PMM2: variants seen among roughly 807,000 people sequenced by gnomAD.
PMM2 encodes the protein mannose-6-phosphate isomerase.
In PMM2, 35 loss-of-function variants were observed where a neutral mutation model predicts 33.2. That is an observed-to-expected ratio of 1.06 (90% CI 0.81 to 1.40). The LOEUF (loss-of-function observed/expected upper bound fraction) is 1.40, where lower values mean the gene tolerates loss of function less well. PMM2 is among the 40% of genes most tolerant of loss of function. PMM2 has a pLI of 0.00. For synonymous variants in PMM2, 153 were observed against 114.7 expected, an observed-to-expected ratio of 1.33 and a Z score of -2.13; for missense variants, 386 against 306.0, an observed-to-expected ratio of 1.26 and a Z score of -1.95.
chr16:8,847,861 G>A lies in PMM2; in HGVS notation c.*36G>A. On this transcript the variant is annotated 3_prime_UTR_variant, in exon 8 of 8. Coordinates refer to ENST00000268261, the MANE Select transcript of PMM2 (RefSeq NM_000303.3). ...GGAGGGGCGGGGTCCCGGCTGACAA[G>A]CCAGCATAGGGCATTCGGTGGCCAG... 3 of 1,505,054 alleles carry A rather than the reference G, an allele frequency of 2.0e-6. No homozygotes were observed. The highest frequency in any genetic ancestry group is 2.8e-6 in the Non-Finnish European group (3 of 1,084,844). 93.2% of individuals were successfully genotyped at this position (1,505,054 alleles called of 1,614,324 possible).
chr16:8,842,597 G>T (rs1158091209), intron 7 of PMM2, among the ~76,000 whole-genome samples: 1 of 152,214 alleles, frequency 6.6e-6, no homozygotes. Flanking sequence ...GGAATAGTGA[G>T]TTGTGGAGGA....
intron 7 of PMM2, among the ~76,000 whole-genome samples, chr16:8,818,634 G>A (rs2060720779): frequency 6.6e-6 from 1 of 152,224 alleles, no homozygotes; most frequent in Admixed American, 6.5e-5. Flanking sequence ...GCCTCTTCCA[G>A]CAGCACAGCC....
chr16:8,808,746 C>G (rs1297678377), intron 4 of PMM2: 1 of 152,218 alleles, frequency 6.6e-6, no homozygotes, highest in African/African-American at 2.4e-5. Context: ...TTTTTCTGAT[C>G]ATTAGGACCT....
At chr16:8,844,666 C>T (rs1018196271) in intron 7 of PMM2, among the ~76,000 whole-genome samples, 1 of 152,118 alleles carries the variant, frequency 6.6e-6, no homozygotes, top group Non-Finnish European at 1.5e-5. Context: ...GGCGTCCTTG[C>T]AATGATTAAA....
chr16:8,826,297 T>TA (rs1036963981), intron 7 of PMM2, among the ~76,000 whole-genome samples: 4 of 152,262 alleles, frequency 2.6e-5, no homozygotes, highest in East Asian at 1.9e-4. Context: ...TTTTCTCTTT[T>TA]AAAAAAACCC....
intron 6 of PMM2, among the ~76,000 whole-genome samples, chr16:8,811,927 T>C (rs1045941235): frequency 3.9e-5 from 6 of 152,208 alleles, no homozygotes; most frequent in African/African-American, 1.4e-4. Flanking sequence ...TTACACGCTG[T>C]TGGGCTTGGT....
At chr16:8,801,319 C>T (rs58461576) in intron 1 of PMM2, among the ~76,000 whole-genome samples, 3,401 of 152,220 alleles carry the variant, frequency 0.022, 121 homozygotes, top group African/African-American at 0.077. Flanking sequence ...TAAAGATGCC[C>T]CCCCAGTTAC....
chr16:8,832,744 C>T (rs2060818187), intron 7 of PMM2: 3 of 985,302 alleles, frequency 3.0e-6, no homozygotes, highest in South Asian at 9.4e-5. Context: ...CTTCAGGCGG[C>T]TACCCGTGAA....
intron 4 of PMM2, chr16:8,806,660 G>A (rs975918887): frequency 5.6e-6 from 3 of 540,090 alleles, no homozygotes; most frequent in South Asian, 4.1e-5. Flanking sequence ...ATGGGCCAGC[G>A]AATTTAAATC....
chr16:8,803,170 T>C (rs1337461393), intron 2 of PMM2, among the ~76,000 whole-genome samples: 1 of 152,196 alleles, frequency 6.6e-6, no homozygotes, highest in Non-Finnish European at 1.5e-5. Flanking sequence ...AAAGATGTAA[T>C]ATGTTACAGT....
intron 7 of PMM2, among the ~76,000 whole-genome samples, chr16:8,821,819 A>C (rs1567163058): frequency 6.6e-6 from 1 of 152,212 alleles, no homozygotes; most frequent in Non-Finnish European, 1.5e-5. Context: ...TCACTTTCAA[A>C]ACATCATGAC....
intron 4 of PMM2, chr16:8,809,619 A>ATTTT (rs1214469766): frequency 2.6e-5 from 4 of 151,396 alleles, no homozygotes; most frequent in African/African-American, 9.7e-5. Flanking sequence ...TGTCCCGCTA[A>ATTTT]TTTTTGTATT....
chr16:8,847,881 G>A lies in PMM2; in HGVS notation c.*56G>A, dbSNP rs2060938650. The A allele has an allele frequency of 1.5e-6, 2 of 1,369,132 alleles. No homozygotes were observed. The highest frequency in any genetic ancestry group is 2.8e-5 in the African/African-American group (2 of 70,354). The allele number at this position is 1,369,132 out of a possible 1,614,324, so 84.8% of individuals were successfully genotyped here. A position where few individuals can be genotyped will look rare whatever the true frequency, so the allele number is the denominator to read the frequency against. On this transcript the variant is annotated 3_prime_UTR_variant, in exon 8 of 8. Transcript: ENST00000268261. ...GACAAGCCAGCATAGGGCATTCGGTGGCCAGAGCCGAGGGTCCTCCCACAC... is the reference window on the plus strand; with the variant it reads ...GACAAGCCAGCATAGGGCATTCGGTAGCCAGAGCCGAGGGTCCTCCCACAC...
Position 8,802,773 on chromosome 16 carries a change from T to C in PMM2, c.178+863T>C, listed in dbSNP as rs541744534. 1.5e-4 allele frequency among the ~76,000 whole-genome samples: 22 copies of C among 148,966 alleles called. No homozygotes were observed. The South Asian group carries it at 3.7e-3, about 25-fold the overall frequency. On this transcript the variant is annotated intron_variant, in intron 2 of 7. Coordinates refer to ENST00000268261, the MANE Select transcript of PMM2 (RefSeq NM_000303.3). ...TGAACCCAGGAGGCAGAGGTTGCAA[T>C]GAGCCGAGATCACACCATTGCACTC...
At chr16:8,807,372 G>A (rs149131170) in intron 4 of PMM2, among the ~76,000 whole-genome samples, 129 of 152,226 alleles carry the variant, frequency 8.5e-4, no homozygotes, top group Admixed American at 1.2e-3. Flanking sequence ...TGGCTACTCC[G>A]GCTCCCAGTT....
At chr16:8,835,543 G>A (rs1050356650) in intron 7 of PMM2, among the ~76,000 whole-genome samples, 5 of 152,050 alleles carry the variant, frequency 3.3e-5, no homozygotes, top group Non-Finnish European at 5.9e-5. Context: ...GGTAGTAGAT[G>A]GAGGTATTGA....
chr16:8,835,461 A>G (rs1016787761), intron 7 of PMM2, among the ~76,000 whole-genome samples: 5 of 152,038 alleles, frequency 3.3e-5, no homozygotes, highest in African/African-American at 1.2e-4. Flanking sequence ...AACTGAAAGC[A>G]AAGAGACGCT....
At chr16:8,838,288 G>A (rs534393771) in intron 7 of PMM2, among the ~76,000 whole-genome samples, 1 of 152,104 alleles carries the variant, frequency 6.6e-6, no homozygotes, top group South Asian at 2.1e-4. Context: ...AATGTCATCA[G>A]CTAAGGCTAT....
At chr16:8,839,499 G>C (rs944774195) in intron 7 of PMM2, among the ~76,000 whole-genome samples, 12 of 152,012 alleles carry the variant, frequency 7.9e-5, no homozygotes, top group African/African-American at 2.7e-4. Flanking sequence ...GTATCTACAA[G>C]CAACCTTTCA....
Sources: gnomAD v4.1 joint callset for allele counts (sites outside exome capture counted in the v4.1 genomes callset) on GRCh38, gnomAD v4.1.1 for gene constraint, MANE v1.5 for transcripts, NCBI Gene and HGNC (gene_info 2026-07-23, HGNC 2026-07-21) for gene names.